Variants in ERI3 observed in about 807,000 individuals in gnomAD.
The protein encoded by ERI3 is ERI1 exoribonuclease 3.
Under a neutral mutation model 44.4 loss-of-function variants are expected in ERI3, and 18 were observed. The observed-to-expected ratio is 0.41, with a 90% CI of 0.28 to 0.60. The LOEUF is 0.60. Among genes scored for constraint, ERI3 ranks in the 20% least tolerant of loss-of-function variants. ERI3 has a pLI of 0.36. For synonymous variants in ERI3, 183 were observed against 164.8 expected, an observed-to-expected ratio of 1.11 and a Z score of -0.84; for missense variants, 294 against 435.5, an observed-to-expected ratio of 0.68 and a Z score of 2.89.
chr1:44,230,097 T>C (rs929637709), intron 8 of ERI3, among the ~76,000 whole-genome samples: 1 of 152,218 alleles, frequency 6.6e-6, no homozygotes, highest in Non-Finnish European at 1.5e-5. Flanking sequence ...AGCCTCGTCC[T>C]GGCCATAAAT....
chr1:44,319,612 C>G lies in ERI3; in HGVS notation c.606+16G>C. ...CCCTCCCAGCAGCCCCTGCTGCCCA[C>G]TTCCAGGGCCCTTACCTCTGTACAG... On this transcript the variant is annotated intron_variant, in intron 4 of 8. Coordinates refer to ENST00000372257, the MANE Select transcript of ERI3 (RefSeq NM_024066.3). 1 of 1,591,836 alleles carries G rather than the reference C, an allele frequency of 6.3e-7. No individual in the cohort carries two copies. Among genetic ancestry groups the G allele is most frequent in the Non-Finnish European group, 8.6e-7 (1 of 1,161,630 alleles).
chr1:44,326,924 A>T (rs1044378939), intron 3 of ERI3, among the ~76,000 whole-genome samples: 13 of 152,332 alleles, frequency 8.5e-5, no homozygotes, highest in South Asian at 6.2e-4. Context: ...TCAAAAACAT[A>T]ATACCAATAA....
intron 7 of ERI3, among the ~76,000 whole-genome samples, chr1:44,248,698 A>AGTGT (rs1245604411): frequency 1.1e-4 from 12 of 112,208 alleles, no homozygotes; most frequent in Non-Finnish European, 1.4e-4. Context: ...TGTGTGTGAG[A>AGTGT]GAGAGTGTGT....
At chr1:44,254,141 T>G (rs192968810) in intron 7 of ERI3, among the ~76,000 whole-genome samples, 365 of 152,304 alleles carry the variant, frequency 2.4e-3, no homozygotes, top group Non-Finnish European at 3.6e-3. Flanking sequence ...TCATCATCAC[T>G]CTGGGTAACT....
intron 2 of ERI3, among the ~76,000 whole-genome samples, chr1:44,350,094 A>G (rs1646859192): frequency 6.6e-6 from 1 of 152,216 alleles, no homozygotes; most frequent in African/African-American, 2.4e-5. Flanking sequence ...GGACATATAT[A>G]GAATGAGGAC....
intron 7 of ERI3, among the ~76,000 whole-genome samples, chr1:44,272,841 A>AAAAATAAAATAAAATAAAATAAAAT (rs3054072): frequency 1.7e-4 from 25 of 146,636 alleles, no homozygotes; most frequent in African/African-American, 5.9e-4. Context: ...GACTGTCTCA[A>AAAAATAAAATAAAATAAAATAAAAT]AAAATAAAAT....
intron 7 of ERI3, among the ~76,000 whole-genome samples, chr1:44,248,702 A>AGTGTATGT (rs1553183709): frequency 1.3e-5 from 2 of 148,380 alleles, no homozygotes; most frequent in African/African-American, 5.0e-5. Flanking sequence ...TGTGAGAGAG[A>AGTGTATGT]GTGTGTGTGT....
At chr1:44,273,957 C>T (rs749196095) in intron 7 of ERI3, among the ~76,000 whole-genome samples, 8 of 152,182 alleles carry the variant, frequency 5.3e-5, no homozygotes, top group Non-Finnish European at 1.0e-4. Flanking sequence ...TGAGCTGGAT[C>T]ATCCAGGGCC....
chr1:44,317,571 C>T (rs1462828542), intron 4 of ERI3, among the ~76,000 whole-genome samples: 2 of 151,224 alleles, frequency 1.3e-5, no homozygotes, highest in Non-Finnish European at 2.9e-5. Flanking sequence ...GGTAGCAGAC[C>T]CTAATGATGG....
At chr1:44,287,693 T>C (rs749070963) in intron 6 of ERI3, among the ~76,000 whole-genome samples, 30 of 152,264 alleles carry the variant, frequency 2.0e-4, no homozygotes, top group Admixed American at 9.2e-4. Flanking sequence ...GGAGCTAGAA[T>C]GTGGTTGCCT....
rs1460400186 is a variant in ERI3, at chr1:44,281,601, A to AAAAAATATAT, written c.831+3233_831+3234insATATATTTTT. 7.3e-4 allele frequency among the ~76,000 whole-genome samples: 93 copies of AAAAAATATAT among 128,010 alleles called. 1 individual carries two copies. Among genetic ancestry groups the AAAAAATATAT allele is most frequent in the African/African-American group, 3.0e-3 (89 of 30,014 alleles). 84.0% of individuals were successfully genotyped at this position (128,010 alleles called of 152,430 possible). ...AGACCCCGTCTCGAAAAAAAAAAAA[A>AAAAAATATAT]ATATATATATATATATATAATATAT... On this transcript the variant is annotated intron_variant, in intron 7 of 8. Coordinates refer to ENST00000372257, the MANE Select transcript of ERI3 (RefSeq NM_024066.3).
rs190947748 is a variant in ERI3, at chr1:44,247,012, C to T, written c.931+927G>A. The stretch of plus-strand genomic sequence containing the variant: ...GGCCTATGCTTGGTCAGGTGCCTCA[C>T]CTGAGAGCATCTGCATGCACACATG... On this transcript the variant is annotated intron_variant, in intron 8 of 8. Transcript: ENST00000372257. Among the ~76,000 whole-genome samples the T allele has an allele frequency of 5.3e-5, 8 of 152,274 alleles. No homozygotes were observed. The East Asian group carries it at 1.5e-3, about 29-fold the overall frequency.
intron 8 of ERI3, among the ~76,000 whole-genome samples, chr1:44,234,852 C>G (rs118167988): frequency 6.6e-6 from 1 of 151,952 alleles, no homozygotes; most frequent in Non-Finnish European, 1.5e-5. Context: ...AGCCGATTCC[C>G]GTGCCTCAGC....
chr1:44,250,658 A>C (rs563837361), intron 7 of ERI3, among the ~76,000 whole-genome samples: 1 of 151,482 alleles, frequency 6.6e-6, no homozygotes, highest in East Asian at 2.0e-4. Context: ...CATGCCGCAC[A>C]GTTTCATATT....
At position 44,291,081 on chromosome 1, in the gene ERI3, A is replaced by G. The variant is rs1006712837; in HGVS notation, c.759-6174T>C. 2.6e-5 allele frequency among the ~76,000 whole-genome samples: 4 copies of G among 152,320 alleles called. 1 individual carries two copies. The highest frequency in any genetic ancestry group is 4.1e-4 in the South Asian group (2 of 4,828). On this transcript the variant is annotated intron_variant, in intron 6 of 8. Transcript: ENST00000372257. ...CAAACAGAGGCAGACACAATGTGTC[A>G]CCACTGCAACAGCGTAGCAATTTAA... is the stretch of plus-strand genomic sequence containing the variant.
chr1:44,287,323 A>G (rs1332914792), intron 6 of ERI3, among the ~76,000 whole-genome samples: 1 of 152,262 alleles, frequency 6.6e-6, no homozygotes, highest in African/African-American at 2.4e-5. Context: ...AAGTTTGGCT[A>G]CAAGAATCCA....
chr1:44,344,943 C>A (rs570727361), intron 2 of ERI3, among the ~76,000 whole-genome samples: 32 of 152,196 alleles, frequency 2.1e-4, no homozygotes, highest in Non-Finnish European at 3.5e-4. Flanking sequence ...AGAAGCAGGC[C>A]TGCGCCAGAG....
chr1:44,247,439 C>T (rs753924176), intron 8 of ERI3, among the ~76,000 whole-genome samples: 10 of 152,180 alleles, frequency 6.6e-5, no homozygotes, highest in Non-Finnish European at 8.8e-5. Context: ...GCTGCTCCTG[C>T]GGGGGAGTCA....
At chr1:44,267,626 C>T (rs539213545) in intron 7 of ERI3, among the ~76,000 whole-genome samples, 4 of 152,358 alleles carry the variant, frequency 2.6e-5, no homozygotes, top group African/African-American at 9.6e-5. Context: ...ACAGCAAACA[C>T]ACCACTGGGG....
Sources: gnomAD v4.1 joint callset for allele counts (sites outside exome capture counted in the v4.1 genomes callset) on GRCh38, gnomAD v4.1.1 for gene constraint, MANE v1.5 for transcripts, NCBI Gene and HGNC (gene_info 2026-07-23, HGNC 2026-07-21) for gene names.